Variants in SLX4IP observed in about 807,000 individuals in gnomAD.
The protein encoded by SLX4IP is SLX4 interacting protein, also known as protein SLX4IP.
In SLX4IP, 34 loss-of-function variants were observed where a neutral mutation model predicts 32.9. That is an observed-to-expected ratio of 1.03 (90% CI 0.79 to 1.38). SLX4IP has a LOEUF of 1.38. Ranked by LOEUF, SLX4IP falls within the 40% of genes most tolerant of loss-of-function variation. The pLI is 0.00. For synonymous variants in SLX4IP, 172 were observed against 171.7 expected (o/e 1.00, Z -0.01); for missense variants, 444 against 479.0 (o/e 0.93, Z 0.68).
chr20:10,601,477 T>TG (rs1197570186), intron 5 of SLX4IP, among the ~76,000 whole-genome samples: 3 of 152,190 alleles, frequency 2.0e-5, no homozygotes, highest in Non-Finnish European at 4.4e-5. Context: ...AGGTTCTGCC[T>TG]GGGGGTTTCC....
chr20:10,536,983 A>C (rs1465259170), intron 2 of SLX4IP, among the ~76,000 whole-genome samples: 9 of 152,184 alleles, frequency 5.9e-5, no homozygotes, highest in Admixed American at 5.9e-4. Context: ...ACATGTGTGA[A>C]TTTGCATCAT....
rs564355376 is a variant in SLX4IP at position 10,563,878 on chromosome 20, G to A, written c.238+3058G>A. On this transcript the variant is annotated intron_variant, in intron 4 of 7. Coordinates refer to ENST00000334534, the MANE Select transcript of SLX4IP (RefSeq NM_001009608.3). ...TTGTTCTTTTGCTCACAGTTGCTTT[G>A]GCTATTTGGGTCTTTTGTGGTTCCA... 3.9e-5 allele frequency among the ~76,000 whole-genome samples: 6 copies of A among 152,230 alleles called. No individual in the cohort carries two copies. The South Asian group carries it at 1.2e-3, about 32-fold the overall frequency.
chr20:10,507,807 A>G (rs2065771913), intron 2 of SLX4IP, among the ~76,000 whole-genome samples: 1 of 151,998 alleles, frequency 6.6e-6, no homozygotes, highest in African/African-American at 2.4e-5. Context: ...CAGAATTTAC[A>G]GCAGTTAACA....
intron 2 of SLX4IP, among the ~76,000 whole-genome samples, chr20:10,467,362 G>T (rs774158640): frequency 6.6e-6 from 1 of 152,136 alleles, no homozygotes; most frequent in Non-Finnish European, 1.5e-5. Context: ...ATTTTAAATG[G>T]TTATATTCCT....
chr20:10,578,390 C>A (rs1454536091), intron 4 of SLX4IP, among the ~76,000 whole-genome samples: 1 of 152,156 alleles, frequency 6.6e-6, no homozygotes, highest in Admixed American at 6.5e-5. Context: ...AAGATTCGTT[C>A]ATTTTATAAC....
At chr20:10,498,617 A>G (rs2122409424) in intron 2 of SLX4IP, among the ~76,000 whole-genome samples, 1 of 151,926 alleles carries the variant, frequency 6.6e-6, no homozygotes, top group Non-Finnish European at 1.5e-5. Flanking sequence ...CAAAATAAGC[A>G]CTTAACTGTA....
At chr20:10,471,203 C>G (rs994630968) in intron 2 of SLX4IP, among the ~76,000 whole-genome samples, 1 of 152,142 alleles carries the variant, frequency 6.6e-6, no homozygotes, top group Non-Finnish European at 1.5e-5. Flanking sequence ...TGTTCCTGGT[C>G]TCATAATTCT....
intron 4 of SLX4IP, among the ~76,000 whole-genome samples, chr20:10,570,394 G>C (rs2066448164): frequency 6.6e-6 from 1 of 152,232 alleles, no homozygotes; most frequent in Non-Finnish European, 1.5e-5. Flanking sequence ...CCATTTTGCA[G>C]ATAGTTCTGG....
At chr20:10,567,402 C>T (rs1209983581) in intron 4 of SLX4IP, among the ~76,000 whole-genome samples, 1 of 152,114 alleles carries the variant, frequency 6.6e-6, no homozygotes, top group Non-Finnish European at 1.5e-5. Context: ...GGCCTTTTTG[C>T]CCTTCCTCCT....
At chr20:10,613,525 C>T (rs1463146905) in intron 6 of SLX4IP, 1 of 1,609,952 alleles carries the variant, frequency 6.2e-7, no homozygotes, top group East Asian at 2.2e-5. Flanking sequence ...AGAAAATTGT[C>T]CATTTCCTTT....
At position 10,623,350 on chromosome 20, in the gene SLX4IP, A is replaced by G. The variant is rs770351333; in HGVS notation, c.1198A>G (p.Lys400Glu). The G allele has an allele frequency of 1.1e-5, 17 of 1,611,558 alleles. No individual in the cohort carries two copies. Among genetic ancestry groups the G allele is most frequent in the Non-Finnish European group, 1.4e-5 (17 of 1,179,144 alleles). The change falls in exon 8 of 8, where the codon AAA (lysine) becomes GAA (glutamate). Residue 400 changes from lysine to glutamate, a missense_variant. Physicochemically the swap from Lys to Glu is moderately conservative, Grantham distance 56 (BLOSUM62 1). Transcript: ENST00000334534. ...TACAATTCAGAACAGCCCAACCAAGAAAAGAAAGAAATACGAAAGAGGCCA... is the reference window on the plus strand; with the variant it reads ...TACAATTCAGAACAGCCCAACCAAGGAAAGAAAGAAATACGAAAGAGGCCA... ...LSTIQNSPTK[K>E]RKKYERGH is the part of the protein sequence containing the mutation.
chr20:10,448,135 A>T (rs2065215738), intron 1 of SLX4IP, among the ~76,000 whole-genome samples: 1 of 151,950 alleles, frequency 6.6e-6, no homozygotes, highest in African/African-American at 2.4e-5. Flanking sequence ...CTTTTAGATT[A>T]TTGCTTCTAT....
intron 6 of SLX4IP, among the ~76,000 whole-genome samples, chr20:10,616,390 TGAAATAAA>T (rs1568774810): frequency 0.033 from 4,099 of 125,816 alleles, 111 homozygotes; most frequent in Admixed American, 0.1. Flanking sequence ...AAAAAAAAAA[TGAAATAAA>T]TAAATAAATA....
chr20:10,585,658 C>T (rs2066637877), intron 4 of SLX4IP, among the ~76,000 whole-genome samples: 1 of 151,836 alleles, frequency 6.6e-6, no homozygotes, highest in Admixed American at 6.6e-5. Context: ...ATGATCTTGG[C>T]TCATTGCAAC....
intron 2 of SLX4IP, among the ~76,000 whole-genome samples, chr20:10,502,216 T>G (rs1374838765): frequency 6.6e-6 from 1 of 152,162 alleles, no homozygotes; most frequent in Non-Finnish European, 1.5e-5. Context: ...CTGTGGCATT[T>G]CTGTGTAGGA....
intron 1 of SLX4IP, among the ~76,000 whole-genome samples, chr20:10,438,336 A>T (rs1363747537): frequency 6.6e-6 from 1 of 152,042 alleles, no homozygotes; most frequent in Non-Finnish European, 1.5e-5. Flanking sequence ...CCATCACCTC[A>T]TCAAGATAAT....
chr20:10,578,072 C>T (rs941273776), intron 4 of SLX4IP, among the ~76,000 whole-genome samples: 2 of 152,158 alleles, frequency 1.3e-5, no homozygotes, highest in Non-Finnish European at 2.9e-5. Context: ...TTTTTAATAA[C>T]AGCTTTATTG....
chr20:10,575,077 C>A (rs2066510502), intron 4 of SLX4IP, among the ~76,000 whole-genome samples: 2 of 152,054 alleles, frequency 1.3e-5, no homozygotes, highest in Admixed American at 1.3e-4. Flanking sequence ...AAAGACAGGT[C>A]CCCACTGGGG....
intron 3 of SLX4IP, among the ~76,000 whole-genome samples, chr20:10,556,736 C>T (rs1055620396): frequency 6.6e-6 from 1 of 152,176 alleles, no homozygotes; most frequent in Non-Finnish European, 1.5e-5. Flanking sequence ...CATCTTAAAG[C>T]CTCAGCTTTT....
Sources: gnomAD v4.1 joint callset for allele counts (sites outside exome capture counted in the v4.1 genomes callset) on GRCh38, gnomAD v4.1.1 for gene constraint, MANE v1.5 for transcripts, NCBI Gene and HGNC (gene_info 2026-07-23, HGNC 2026-07-21) for gene names.